The following FAM53B variants were observed in gnomAD, a reference collection of about 807,000 sequenced individuals.
FAM53B encodes protein FAM53B.
In FAM53B, 12 loss-of-function variants were observed where a neutral mutation model predicts 32.7. The observed-to-expected ratio is 0.37, with a 90% CI of 0.24 to 0.59. The LOEUF (loss-of-function observed/expected upper bound fraction) is 0.59, where lower values mean the gene tolerates loss of function less well. Ranked by LOEUF, FAM53B falls within the 20% of genes least tolerant of loss-of-function variation. The pLI is 0.72. For synonymous variants in FAM53B, 234 were observed against 228.7 expected, an observed-to-expected ratio of 1.02 and a Z score of -0.21; for missense variants, 477 against 577.7, an observed-to-expected ratio of 0.83 and a Z score of 1.79.
intron 4 of FAM53B, among the ~76,000 whole-genome samples, chr10:124,633,102 G>A (rs1318893312): frequency 1.3e-5 from 2 of 152,058 alleles, no homozygotes; most frequent in East Asian, 3.8e-4. Flanking sequence ...ACACAGCAAG[G>A]CCACAGCAAA....
chr10:124,662,449 CACACCCACCCACCCATCCATCCAT>C (rs1273049565), intron 4 of FAM53B, among the ~76,000 whole-genome samples: 1 of 114,240 alleles, frequency 8.8e-6, no homozygotes, highest in Non-Finnish European at 1.9e-5. Context: ...CACCCACCCA[CACACCCACCCACCCATCCATCCAT>C]CCATCCATCC....
At chr10:124,692,713 TCAAAAAAAAAAAA>T in intron 3 of FAM53B, among the ~76,000 whole-genome samples, 1 of 26,354 alleles carries the variant, frequency 3.8e-5, no homozygotes. Context: ...ATACTCCATC[TCAAAAAAAAAAAA>T]AAAAAAAAAA....
Position 124,671,049 on chromosome 10 carries a change from C to T in FAM53B, c.906+10558G>A, listed in dbSNP as rs1013558330. ...CGCCCCGCTGGAGAACGTTAGACAGCGCTTAACTGAAGGATGCTGAGCAGA... is the reference window on the plus strand; with the variant it reads ...CGCCCCGCTGGAGAACGTTAGACAGTGCTTAACTGAAGGATGCTGAGCAGA... On this transcript the variant is annotated intron_variant, in intron 4 of 4. Coordinates refer to ENST00000337318, the MANE Select transcript of FAM53B (RefSeq NM_014661.4). 3 of 424,834 alleles carry T rather than the reference C, an allele frequency of 7.1e-6. No homozygotes were observed. The Admixed American group carries it at 7.2e-5, about 10-fold the overall frequency. The allele number at this position is 424,834 out of a possible 1,614,324, so 26.3% of individuals were successfully genotyped here.
intron 2 of FAM53B, among the ~76,000 whole-genome samples, chr10:124,702,840 C>A (rs1163045845): frequency 6.6e-6 from 1 of 152,126 alleles, no homozygotes; most frequent in Non-Finnish European, 1.5e-5. Flanking sequence ...GAGCGGATCC[C>A]TCATGAATGG....
chr10:124,687,446 G>A (rs898214954), intron 3 of FAM53B, among the ~76,000 whole-genome samples: 5 of 152,194 alleles, frequency 3.3e-5, no homozygotes, highest in Non-Finnish European at 5.9e-5. Context: ...TCAGTTCCTC[G>A]TAGCTATTAT....
intron 4 of FAM53B, among the ~76,000 whole-genome samples, chr10:124,645,461 C>T (rs1374580793): frequency 2.6e-5 from 4 of 152,208 alleles, no homozygotes; most frequent in Non-Finnish European, 1.5e-5. Flanking sequence ...CATTCCCCAC[C>T]CCACCCCCAT....
chr10:124,704,587 C>G (rs1241534963), intron 2 of FAM53B, among the ~76,000 whole-genome samples: 1 of 152,138 alleles, frequency 6.6e-6, no homozygotes, highest in South Asian at 2.1e-4. Context: ...AGTGCAAAGG[C>G]CTGAGGCAGG....
rs1949556260 is a variant in FAM53B at position 124,651,601 on chromosome 10, C to G, written c.907-27997G>C. ...CTCCTCCTGCTGCTCTCCCCTGCCACCCCCACCTCCGAGACAGTGAGGCCC... is the reference window on the plus strand; with the variant it reads ...CTCCTCCTGCTGCTCTCCCCTGCCAGCCCCACCTCCGAGACAGTGAGGCCC... On this transcript the variant is annotated intron_variant, in intron 4 of 4. Transcript: ENST00000337318. This position sits in a 1 kb window ranked among gnomAD's most constrained non-coding sequence, Gnocchi z 5.2. Among the ~76,000 whole-genome samples the G allele has an allele frequency of 6.6e-6, 1 of 152,214 alleles. No individual in the cohort carries two copies. Among genetic ancestry groups the G allele is most frequent in the Admixed American group, 6.5e-5 (1 of 15,288 alleles).
At chr10:124,647,953 A>G (rs1287887431) in intron 4 of FAM53B, among the ~76,000 whole-genome samples, 1 of 152,198 alleles carries the variant, frequency 6.6e-6, no homozygotes, top group Non-Finnish European at 1.5e-5. Flanking sequence ...CTCAGGGTGG[A>G]GCCAGGGATG....
At position 124,623,312 on chromosome 10, in the gene FAM53B, C is replaced by A. The variant is rs148677670; in HGVS notation, c.1199G>T (p.Arg400Leu). The change falls in exon 5 of 5, where the codon CGC becomes CTC. Residue 400 changes from arginine to leucine, a missense_variant. Physicochemically the swap from Arg to Leu is moderately radical, Grantham distance 102. This residue lies in a region of FAM53B where 165 missense variants were observed against 157.5 expected (regional missense o/e 1.05). Transcript: ENST00000337318. ...RAEPAAAWRD[R>L]GAPGNSLCSL... is the part of the protein sequence containing the mutation. ...GCAGAGGCTGTTCCCAGGGGCCCCG[C>A]GGTCCCGCCAGGCTGCAGCCGGCTC... is the stretch of plus-strand genomic sequence containing the variant. 10 of 1,612,388 alleles carry A rather than the reference C, an allele frequency of 6.2e-6. No homozygotes were observed. The African/African-American group carries it at 8.0e-5, about 13-fold the overall frequency.
At chr10:124,726,883 G>T (rs541680884) in intron 1 of FAM53B, among the ~76,000 whole-genome samples, 1 of 152,152 alleles carries the variant, frequency 6.6e-6, no homozygotes, top group African/African-American at 2.4e-5. Flanking sequence ...AGAAATTTCC[G>T]TCTAACACCA....
At chr10:124,702,949 G>C (rs1949925544) in intron 2 of FAM53B, among the ~76,000 whole-genome samples, 1 of 152,056 alleles carries the variant, frequency 6.6e-6, no homozygotes, top group South Asian at 2.1e-4. Context: ...CTTCCCTCTT[G>C]CTCCCTCTCT....
chr10:124,710,119 C>A (rs1466420823), intron 1 of FAM53B, among the ~76,000 whole-genome samples: 1 of 152,222 alleles, frequency 6.6e-6, no homozygotes, highest in Non-Finnish European at 1.5e-5. Context: ...GGCTGGCACA[C>A]AGGGCACGCA....
intron 4 of FAM53B, among the ~76,000 whole-genome samples, chr10:124,662,899 C>A (rs1264361943): frequency 6.6e-6 from 1 of 152,212 alleles, no homozygotes; most frequent in African/African-American, 2.4e-5. Flanking sequence ...CAGGTACAGG[C>A]CCTGGCCTCA....
At chr10:124,739,043 C>CAAAAAAAAA (rs374990179) in intron 1 of FAM53B, among the ~76,000 whole-genome samples, 1 of 107,706 alleles carries the variant, frequency 9.3e-6, no homozygotes, top group Non-Finnish European at 2.0e-5. Flanking sequence ...CTCCAAAAAA[C>CAAAAAAAAA]AAAAAAAAAA....
chr10:124,668,651 C>G (rs1181617383), intron 4 of FAM53B, among the ~76,000 whole-genome samples: 1 of 152,214 alleles, frequency 6.6e-6, no homozygotes, highest in Admixed American at 6.5e-5. Flanking sequence ...CTCCTTGTCT[C>G]ATCTTCCTAG....
At chr10:124,668,292 G>C (rs937898870) in intron 4 of FAM53B, among the ~76,000 whole-genome samples, 2 of 152,242 alleles carry the variant, frequency 1.3e-5, no homozygotes, top group African/African-American at 2.4e-5. Flanking sequence ...GGCCTAAGCT[G>C]TTTCTGAGCA....
chr10:124,623,004 T>G lies in FAM53B; in HGVS notation c.*238A>C. The G allele has an allele frequency of 3.7e-6, 2 of 537,734 alleles. No individual in the cohort carries two copies. The highest frequency in any genetic ancestry group is 5.1e-5 in the South Asian group (2 of 39,484). 33.3% of individuals were successfully genotyped at this position (537,734 alleles called of 1,614,324 possible). On this transcript the variant is annotated 3_prime_UTR_variant, in exon 5 of 5. Transcript: ENST00000337318. ...TGTCCTCTGGGCTGCAGTAGTTCTG[T>G]GGACCTGGTGGCTGCCACGCTCGGG...
At chr10:124,689,168 T>C (rs1949818837) in intron 3 of FAM53B, among the ~76,000 whole-genome samples, 1 of 152,206 alleles carries the variant, frequency 6.6e-6, no homozygotes, top group African/African-American at 2.4e-5. Flanking sequence ...TATGCTTGGT[T>C]TGGGGAGAAG....
Sources: gnomAD v4.1 joint callset for allele counts (sites outside exome capture counted in the v4.1 genomes callset) on GRCh38, gnomAD v4.1.1 for gene constraint, gnomAD v4.1.1 regional missense constraint, Gnocchi (gnomAD v3.1) non-coding constraint, MANE v1.5 for transcripts, NCBI Gene and HGNC (gene_info 2026-07-23, HGNC 2026-07-21) for gene names.